KCNIP4: variants seen among roughly 807,000 people sequenced by gnomAD.
KCNIP4 encodes potassium voltage-gated channel interacting protein 4.
A neutral mutation model predicts 34.0 loss-of-function variants in KCNIP4; 12 were observed. That is an observed-to-expected ratio of 0.35 (90% CI 0.23 to 0.57). The LOEUF (loss-of-function observed/expected upper bound fraction) is 0.57. Ranked by LOEUF, KCNIP4 falls within the 20% of genes least tolerant of loss-of-function variation. The probability of loss-of-function intolerance (pLI) is 0.83; values close to 1 mark genes in which losing one functional copy is unlikely to be tolerated. For missense variants in KCNIP4, 238 were observed against 311.7 expected (o/e 0.76, Z 1.78); for synonymous variants, 124 against 102.2 (o/e 1.21, Z -1.29).
intron 1 of KCNIP4, among the ~76,000 whole-genome samples, chr4:21,297,025 C>A (rs1041259631): frequency 1.3e-5 from 2 of 149,446 alleles, no homozygotes; most frequent in South Asian, 4.2e-4. Context: ...TACATAAGTA[C>A]GTATGTGTGT....
At chr4:21,073,871 C>A (rs1245924423) in intron 1 of KCNIP4, among the ~76,000 whole-genome samples, 9 of 152,036 alleles carry the variant, frequency 5.9e-5, no homozygotes. Flanking sequence ...TGTCAAAGGC[C>A]TTTTCTGCAT....
At chr4:21,289,254 C>T (rs1404322694) in intron 1 of KCNIP4, among the ~76,000 whole-genome samples, 2 of 152,262 alleles carry the variant, frequency 1.3e-5, no homozygotes, top group African/African-American at 4.8e-5. Flanking sequence ...GTAATTGGGG[C>T]ATCTGTTACC....
chr4:21,240,733 A>C (rs527846628), intron 1 of KCNIP4, among the ~76,000 whole-genome samples: 38 of 152,326 alleles, frequency 2.5e-4, no homozygotes, highest in Middle Eastern at 3.4e-3. Context: ...ATTACCTCCT[A>C]ATAGTGCAGC....
At chr4:21,170,080 GCA>G (rs1372406253) in intron 1 of KCNIP4, among the ~76,000 whole-genome samples, 2 of 152,072 alleles carry the variant, frequency 1.3e-5, no homozygotes, top group African/African-American at 4.8e-5. Flanking sequence ...AGATTAAAGT[GCA>G]TTCAAGGAAA....
Position 21,018,897 on chromosome 4 carries a change from T to A in KCNIP4, c.62-136188A>T, listed in dbSNP as rs572509965. The stretch of plus-strand genomic sequence containing the variant: ...TAGGGTTAATTCTGAATTCAGACAG[T>A]GTTGAGTTAAATTTCTGAATTACTT... On this transcript the variant is annotated intron_variant, in intron 1 of 8. Coordinates refer to ENST00000382152, the MANE Select transcript of KCNIP4 (RefSeq NM_025221.6). Among the ~76,000 whole-genome samples, 302 of 152,258 alleles carry A rather than the reference T, an allele frequency of 2.0e-3. 1 individual carries two copies. Among genetic ancestry groups the A allele is most frequent in the Non-Finnish European group, 3.5e-3 (241 of 68,026 alleles).
chr4:20,903,622 A>G (rs182677012), intron 1 of KCNIP4, among the ~76,000 whole-genome samples: 1 of 152,198 alleles, frequency 6.6e-6, no homozygotes, highest in East Asian at 2.0e-4. Flanking sequence ...GCCTTTCTGA[A>G]CCAAACGAAT....
intron 1 of KCNIP4, among the ~76,000 whole-genome samples, chr4:21,273,194 C>G (rs539544893): frequency 6.6e-6 from 1 of 152,068 alleles, no homozygotes; most frequent in Non-Finnish European, 1.5e-5. Context: ...TACATGATCC[C>G]CTTGACTTAA....
At chr4:21,054,085 A>G (rs1266404451) in intron 1 of KCNIP4, among the ~76,000 whole-genome samples, 1 of 136,188 alleles carries the variant, frequency 7.3e-6, no homozygotes, top group Non-Finnish European at 1.6e-5. Context: ...AATATTGACA[A>G]AATGTCAATA....
At chr4:20,882,774 T>C (rs1724842380) in intron 1 of KCNIP4, 65 bp from the exon 2 acceptor site, 10 of 1,296,592 alleles carry the variant, frequency 7.7e-6, no homozygotes, top group South Asian at 1.2e-5. Context: ...TGCTGCAGGG[T>C]TTATCAGAGA....
intron 1 of KCNIP4, among the ~76,000 whole-genome samples, chr4:21,694,931 T>TAAAAAA (rs1230012484): frequency 8.4e-5 from 4 of 47,374 alleles, no homozygotes; most frequent in African/African-American, 2.6e-4. Flanking sequence ...AAAAAAAAAA[T>TAAAAAA]AAAAATAAAT....
At chr4:20,740,287 T>G (rs1750752729) in intron 5 of KCNIP4, among the ~76,000 whole-genome samples, 1 of 151,978 alleles carries the variant, frequency 6.6e-6, no homozygotes. Context: ...ATTGTCAGAT[T>G]CACCAAAGTT....
chr4:20,763,485 A>C (rs13122760), intron 3 of KCNIP4, among the ~76,000 whole-genome samples: 23,136 of 152,024 alleles, frequency 0.15, 1,841 homozygotes, highest in East Asian at 0.19. Context: ...AGTACATGGA[A>C]ACTTTTTATG....
chr4:21,465,477 T>C (rs1729840119), intron 1 of KCNIP4, among the ~76,000 whole-genome samples: 3 of 152,144 alleles, frequency 2.0e-5, no homozygotes. Flanking sequence ...TCAACTCTCT[T>C]CATTATGTCT....
intron 1 of KCNIP4, among the ~76,000 whole-genome samples, chr4:21,453,055 G>A (rs1431180950): frequency 6.6e-6 from 1 of 151,896 alleles, no homozygotes. Flanking sequence ...ATTCCTTATG[G>A]CCAGTCATTT....
intron 1 of KCNIP4, among the ~76,000 whole-genome samples, chr4:21,721,719 GATAAT>G (rs1714832213): frequency 6.6e-6 from 1 of 152,114 alleles, no homozygotes. Flanking sequence ...CTGACCTACA[GATAAT>G]GTTCTGATAC....
intron 3 of KCNIP4, among the ~76,000 whole-genome samples, chr4:20,794,853 G>A (rs1578635345): frequency 1.3e-5 from 2 of 152,284 alleles, no homozygotes; most frequent in South Asian, 4.1e-4. Context: ...CTCTAAGTGG[G>A]ACATCTGAGT....
chr4:21,519,608 ATGTG>A (rs1280484304), intron 1 of KCNIP4, among the ~76,000 whole-genome samples: 1 of 98,698 alleles, frequency 1.0e-5, no homozygotes, highest in Non-Finnish European at 2.0e-5. Flanking sequence ...ATATACACAT[ATGTG>A]TGTGTATGTA....
chr4:21,496,594 A>G (rs1732869710), intron 1 of KCNIP4, among the ~76,000 whole-genome samples: 1 of 152,090 alleles, frequency 6.6e-6, no homozygotes, highest in African/African-American at 2.4e-5. Flanking sequence ...CTCTCCCATA[A>G]TATTTCAGTA....
At chr4:21,069,980 C>A (rs1395231267) in intron 1 of KCNIP4, among the ~76,000 whole-genome samples, 1 of 152,146 alleles carries the variant, frequency 6.6e-6, no homozygotes, top group African/African-American at 2.4e-5. Context: ...TTTCCTTTTA[C>A]AATCACGTAC....
Sources: allele counts gnomAD v4.1 joint callset (sites outside exome capture counted in the v4.1 genomes callset), GRCh38; gene constraint gnomAD v4.1.1; transcripts MANE v1.5; gene names NCBI Gene and HGNC (gene_info 2026-07-23, HGNC 2026-07-21).